Variants in FREM1 observed in about 807,000 individuals in gnomAD.
FREM1 encodes the protein FRAS1 related extracellular matrix 1.
A neutral mutation model predicts 210.1 loss-of-function variants in FREM1; 220 were observed. The observed-to-expected ratio is 1.05, with a 90% CI of 0.94 to 1.17. The LOEUF (loss-of-function observed/expected upper bound fraction) is 1.17. Ranked by LOEUF, FREM1 falls within the 50% of genes most tolerant of loss-of-function variation. FREM1 has a pLI of 0.00. For synonymous variants in FREM1, 1,189 were observed against 980.2 expected (o/e 1.21, Z -3.98); for missense variants, 3,454 against 2,675.5 (o/e 1.29, Z -6.42).
At chr9:14,859,040 G>A (rs1210218124) in intron 4 of FREM1, 143 bp downstream of exon 4, 7 of 584,816 alleles carry the variant, frequency 1.2e-5, no homozygotes, top group Non-Finnish European at 2.0e-5. Flanking sequence ...TGTAAAGTCT[G>A]TGCTCTTAAC....
At chr9:14,803,731 T>C (rs1159017137) in intron 19 of FREM1, among the ~76,000 whole-genome samples, 7 of 152,120 alleles carry the variant, frequency 4.6e-5, no homozygotes, top group African/African-American at 9.7e-5. Flanking sequence ...TGCAACCACA[T>C]TTTATTGAAC....
chr9:14,762,173 G>C (rs1845611947), intron 27 of FREM1, among the ~76,000 whole-genome samples: 1 of 151,888 alleles, frequency 6.6e-6, no homozygotes, highest in African/African-American at 2.4e-5. Flanking sequence ...AATCCCAAAA[G>C]GATCCAGTTG....
intron 2 of FREM1, 31 bp downstream of exon 2, chr9:14,868,713 G>T: frequency 7.2e-7 from 1 of 1,385,894 alleles, no homozygotes; most frequent in South Asian, 1.2e-5. Context: ...TCATACACAC[G>T]ACTGAACAGA....
Position 14,857,645 on chromosome 9 carries a change from G to T in FREM1, c.736C>A (p.Arg246Ser). ...GAAGGGGGATCCAGATGCTGATAAC[G>T]AAGGCCCATCAGCAGGAACTCCTCA... The part of the protein sequence containing the change: ...SCEEFLLMGL[R>S]YQHLDPPSPN... Residue 246 changes from arginine to serine, a missense_variant, in exon 5 of 37, where the codon CGT becomes AGT. Arg to Ser is a moderately radical substitution (Grantham distance 110). Transcript: ENST00000380880. 1 of 1,613,502 alleles carries T rather than the reference G, an allele frequency of 6.2e-7. No homozygotes were observed. Among genetic ancestry groups the T allele is most frequent in the Non-Finnish European group, 8.5e-7 (1 of 1,179,528 alleles).
chr9:14,848,800 C>T (rs1827145189), intron 6 of FREM1, 27 bp from the exon 7 acceptor site: 1 of 1,387,972 alleles, frequency 7.2e-7, no homozygotes, highest in Non-Finnish European at 1.0e-6. Flanking sequence ...GCAAAGGAGC[C>T]ACACACTGAA....
intron 1 of FREM1, among the ~76,000 whole-genome samples, chr9:14,873,966 A>T (rs1588518651): frequency 6.6e-6 from 1 of 152,090 alleles, no homozygotes; most frequent in African/African-American, 2.4e-5. Context: ...GTTTCCATGT[A>T]GTTGAGTGGT....
chr9:14,893,367 A>G lies in FREM1; in HGVS notation c.-268+16547T>C, dbSNP rs560280704. Among the ~76,000 whole-genome samples the G allele has an allele frequency of 5.5e-4, 84 of 152,316 alleles. 1 individual carries two copies. Among genetic ancestry groups the G allele is most frequent in the African/African-American group, 1.9e-3 (79 of 41,574 alleles). On this transcript the variant is annotated intron_variant, in intron 1 of 36. Coordinates refer to ENST00000380880, the MANE Select transcript of FREM1 (RefSeq NM_001379081.2). ...ATACCTCAGGATAGAATGCGGGCCT[A>G]GGACCCCATAAGCCTGCTGTCTAAG...
Position 14,792,894 on chromosome 9 carries a change from G to C in FREM1, c.3840-10C>G, listed in dbSNP as rs542008284. The C allele has an allele frequency of 1.5e-4, 225 of 1,547,154 alleles. 3 individuals carry two copies. The South Asian group carries it at 2.7e-3, about 18-fold the overall frequency. ...TGCAATTTCAGCCTTCCTGTAAAAA[G>C]AAAAATGTCTGGGTTGATATAAAAA... On this transcript the variant is annotated splice_polypyrimidine_tract_variant and intron_variant, in intron 21 of 36. Coordinates refer to ENST00000380880, the MANE Select transcript of FREM1 (RefSeq NM_001379081.2).
At chr9:14,861,178 T>TATATACAC (rs1304752238) in intron 3 of FREM1, among the ~76,000 whole-genome samples, 1 of 127,322 alleles carries the variant, frequency 7.9e-6, no homozygotes, top group Non-Finnish European at 1.6e-5. Context: ...TGTATGTACA[T>TATATACAC]ATATACACAT....
In FREM1 at chr9:14,816,889, G is replaced by A; in HGVS notation, c.2547-18C>T. ...GTTGATACCTGTGGGGATAATATTT[G>A]TCACCAACCTCTTAGGAACAGTGTG... On this transcript the variant is annotated intron_variant, in intron 14 of 36. Transcript: ENST00000380880. 9.9e-7 allele frequency: 1 copy of A among 1,014,314 alleles called. No individual in the cohort carries two copies. The highest frequency in any genetic ancestry group is 1.4e-6 in the Non-Finnish European group (1 of 711,728). 62.8% of individuals were successfully genotyped at this position (1,014,314 alleles called of 1,614,324 possible).
chr9:14,851,263 A>C (rs772239109), intron 6 of FREM1, 21 bp downstream of exon 6: 1 of 1,535,876 alleles, frequency 6.5e-7, no homozygotes, highest in East Asian at 2.3e-5. Context: ...CTAGGCTGGA[A>C]GCTTTGTCTC....
chr9:14,797,181 A>T (rs1180585764), intron 21 of FREM1, among the ~76,000 whole-genome samples: 1 of 152,264 alleles, frequency 6.6e-6, no homozygotes, highest in Non-Finnish European at 1.5e-5. Context: ...GTGTGCAGTC[A>T]CGTTGGTGTA....
intron 1 of FREM1, among the ~76,000 whole-genome samples, chr9:14,904,487 C>T (rs1052567142): frequency 2.0e-5 from 3 of 152,138 alleles, no homozygotes; most frequent in African/African-American, 7.2e-5. Context: ...CTACATTTCC[C>T]AAAAACAAGT....
chr9:14,887,169 G>A (rs1321071582), intron 1 of FREM1, among the ~76,000 whole-genome samples: 1 of 152,194 alleles, frequency 6.6e-6, no homozygotes. Context: ...TAAACTTAGA[G>A]AAAGTGGTTC....
intron 1 of FREM1, among the ~76,000 whole-genome samples, chr9:14,896,963 T>C (rs529308694): frequency 6.6e-6 from 1 of 152,334 alleles, no homozygotes; most frequent in Admixed American, 6.5e-5. Context: ...CTCACAGATG[T>C]CTGCAGCAGA....
At chr9:14,747,207 CT>C (rs1842625898) in intron 33 of FREM1, 56 bp downstream of exon 33, 1 of 1,586,262 alleles carries the variant, frequency 6.3e-7, no homozygotes, top group East Asian at 2.2e-5. Context: ...AAGTGTGTTT[CT>C]GGCCCAGCAA....
At chr9:14,875,659 CCTT>C (rs1399532695) in intron 1 of FREM1, among the ~76,000 whole-genome samples, 1 of 152,124 alleles carries the variant, frequency 6.6e-6, no homozygotes, top group African/African-American at 2.4e-5. Flanking sequence ...TCGTCTGAAG[CCTT>C]CTTCTCTCAA....
intron 1 of FREM1, among the ~76,000 whole-genome samples, chr9:14,909,033 T>G (rs1482335924): frequency 6.6e-6 from 1 of 152,114 alleles, no homozygotes; most frequent in African/African-American, 2.4e-5. Context: ...AGCAGAAACC[T>G]GAAGAGCATT....
At chr9:14,776,285 T>A (rs1213394819) in intron 24 of FREM1, 82 bp from the exon 25 acceptor site, 1 of 1,402,254 alleles carries the variant, frequency 7.1e-7, no homozygotes, top group Non-Finnish European at 9.5e-7. Flanking sequence ...AATACACACC[T>A]TTACTAAAGG....
Sources: allele counts gnomAD v4.1 joint callset (sites outside exome capture counted in the v4.1 genomes callset), GRCh38; gene constraint gnomAD v4.1.1; transcripts MANE v1.5; gene names NCBI Gene and HGNC (gene_info 2026-07-23, HGNC 2026-07-21).